Variants in ATP8A2 observed in about 807,000 individuals in gnomAD.
ATP8A2 encodes the protein ATPase phospholipid transporting 8A2.
ATP8A2 carries 100 observed loss-of-function variants against 165.6 expected under a neutral mutation model. That is an observed-to-expected ratio of 0.60 (90% CI 0.51 to 0.71). The LOEUF is 0.71. Ranked by LOEUF, ATP8A2 falls within the 30% of genes least tolerant of loss-of-function variation. ATP8A2 has a pLI of 0.00. For synonymous variants in ATP8A2, 543 were observed against 548.8 expected, an observed-to-expected ratio of 0.99 and a Z score of 0.15; for missense variants, 1,227 against 1,479.5, an observed-to-expected ratio of 0.83 and a Z score of 2.80.
At chr13:25,412,736 C>T (rs983071974) in intron 1 of ATP8A2, among the ~76,000 whole-genome samples, 3 of 152,222 alleles carry the variant, frequency 2.0e-5, no homozygotes, top group Non-Finnish European at 4.4e-5. Context: ...GCAAAGCCAA[C>T]TGGTCACCCA....
intron 35 of ATP8A2, among the ~76,000 whole-genome samples, chr13:25,973,406 G>A (rs1471107175): frequency 1.3e-5 from 2 of 152,148 alleles, no homozygotes; most frequent in African/African-American, 4.8e-5. Flanking sequence ...TAAACAGGCA[G>A]GGCCCTGGTC....
intron 10 of ATP8A2, among the ~76,000 whole-genome samples, chr13:25,545,187 G>T (rs1361534263): frequency 6.6e-6 from 1 of 151,980 alleles, no homozygotes; most frequent in Non-Finnish European, 1.5e-5. Flanking sequence ...CTTGTGTGTT[G>T]AAGCAAGGCG....
chr13:25,768,648 G>A (rs990476312), intron 25 of ATP8A2, among the ~76,000 whole-genome samples: 1 of 152,144 alleles, frequency 6.6e-6, no homozygotes, highest in Admixed American at 6.5e-5. Flanking sequence ...GGTTGTATAT[G>A]ATGTACCATA....
chr13:25,915,434 A>C (rs1393619984), intron 33 of ATP8A2, among the ~76,000 whole-genome samples: 1 of 152,242 alleles, frequency 6.6e-6, no homozygotes, highest in East Asian at 1.9e-4. Context: ...GGACCAAGAC[A>C]AGAAGCAATA....
At chr13:25,975,083 T>C (rs1956002344) in intron 35 of ATP8A2, among the ~76,000 whole-genome samples, 1 of 152,080 alleles carries the variant, frequency 6.6e-6, no homozygotes, top group Admixed American at 6.5e-5. Context: ...CCTTGGCTCT[T>C]CTTGATTGAC....
intron 1 of ATP8A2, among the ~76,000 whole-genome samples, chr13:25,432,482 C>T (rs745480234): frequency 2.6e-5 from 4 of 152,108 alleles, no homozygotes; most frequent in Admixed American, 6.5e-5. Context: ...ACGGAGTGAG[C>T]GTTTTCTTCT....
chr13:25,775,039 C>T (rs2044710951), intron 27 of ATP8A2, 80 bp downstream of exon 27: 3 of 808,118 alleles, frequency 3.7e-6, no homozygotes, highest in Non-Finnish European at 6.0e-6. Context: ...CATTTCAAGG[C>T]AGGATTTTGT....
rs558511273 is a variant in ATP8A2, at chr13:25,853,607, A to G, written c.2957-6588A>G. ...TGTCAAACCATAGCTACAAATTTTG[A>G]CTTTCAGCTTAGTCTCCCATGCCTG... On this transcript the variant is annotated intron_variant, in intron 30 of 36. Transcript: ENST00000381655. Among the ~76,000 whole-genome samples, 8 of 152,226 alleles carry G rather than the reference A, an allele frequency of 5.3e-5. No individual in the cohort carries two copies. The East Asian group carries it at 1.5e-3, about 29-fold the overall frequency.
intron 25 of ATP8A2, among the ~76,000 whole-genome samples, chr13:25,759,826 C>T (rs961318697): frequency 1.3e-5 from 2 of 152,166 alleles, no homozygotes; most frequent in African/African-American, 4.8e-5. Flanking sequence ...ACCCATTCAA[C>T]TTTTACATGA....
intron 13 of ATP8A2, among the ~76,000 whole-genome samples, chr13:25,555,692 T>A (rs1191298685): frequency 6.6e-6 from 1 of 152,114 alleles, no homozygotes; most frequent in Non-Finnish European, 1.5e-5. Context: ...GGGTATATTA[T>A]GTGGTGCTGA....
chr13:25,734,494 C>G (rs2043724095), intron 25 of ATP8A2, among the ~76,000 whole-genome samples: 1 of 152,166 alleles, frequency 6.6e-6, no homozygotes, highest in African/African-American at 2.4e-5. Flanking sequence ...AGTGTCTTAG[C>G]AAGCATTTAT....
At chr13:25,510,234 A>G (rs2037182561) in intron 2 of ATP8A2, among the ~76,000 whole-genome samples, 1 of 151,390 alleles carries the variant, frequency 6.6e-6, no homozygotes, top group African/African-American at 2.4e-5. Context: ...GAATGTTGAA[A>G]TAAATGGATG....
At position 25,572,509 on chromosome 13, in the gene ATP8A2, T is replaced by C. The variant is rs150399122; in HGVS notation, c.1662+817T>C. Among the ~76,000 whole-genome samples the C allele has an allele frequency of 2.3e-3, 354 of 152,332 alleles. 3 individuals carry two copies. The highest frequency in any genetic ancestry group is 7.6e-3 in the African/African-American group (318 of 41,578). ...GGGGTTTACATGTTTTCTGATTTTT[T>C]CTGAGTTTCCTTACCTACAGGCCAA... On this transcript the variant is annotated intron_variant, in intron 18 of 36. Transcript: ENST00000381655.
chr13:25,543,679 G>A (rs952835461), intron 10 of ATP8A2, among the ~76,000 whole-genome samples: 3 of 152,086 alleles, frequency 2.0e-5, no homozygotes, highest in Non-Finnish European at 2.9e-5. Context: ...GGACTTAAGC[G>A]GGAATTAGTT....
intron 33 of ATP8A2, among the ~76,000 whole-genome samples, chr13:25,871,883 A>G (rs746277731): frequency 2.0e-5 from 3 of 152,160 alleles, no homozygotes; most frequent in Non-Finnish European, 2.9e-5. Flanking sequence ...CCTGATTTCA[A>G]TGCAGGATGG....
chr13:25,702,801 A>G (rs1593222056), intron 25 of ATP8A2, among the ~76,000 whole-genome samples: 1 of 152,094 alleles, frequency 6.6e-6, no homozygotes, highest in East Asian at 1.9e-4. Flanking sequence ...AGATCCTTTC[A>G]GCATCTGGTG....
At chr13:25,613,751 C>G (rs1183293182) in intron 24 of ATP8A2, among the ~76,000 whole-genome samples, 1 of 152,096 alleles carries the variant, frequency 6.6e-6, no homozygotes, top group African/African-American at 2.4e-5. Context: ...GTTTAAGGAG[C>G]TAAAGATAGG....
rs932509929 is a variant in ATP8A2, at chr13:25,924,629, T to G, written c.3184-36946T>G. ...ATTCAGAGATACTAAGGGCTAGGGC[T>G]TCAACATTTGATTGGGGGGGAATAC... On this transcript the variant is annotated intron_variant, in intron 33 of 36. Transcript: ENST00000381655. Among the ~76,000 whole-genome samples, 5 of 81,200 alleles carry G rather than the reference T, an allele frequency of 6.2e-5. No individual in the cohort carries two copies. In the Admixed American group the frequency reaches 7.8e-4, roughly 13 times the overall value. 53.3% of individuals were successfully genotyped at this position (81,200 alleles called of 152,430 possible). A position where few individuals can be genotyped will look rare whatever the true frequency, so the allele number is the denominator to read the frequency against.
At chr13:25,716,637 G>T (rs1032446707) in intron 25 of ATP8A2, among the ~76,000 whole-genome samples, 1 of 152,208 alleles carries the variant, frequency 6.6e-6, no homozygotes, top group South Asian at 2.1e-4. Flanking sequence ...TGTCAGCAGG[G>T]TGTGAAGGGT....
Sources: gnomAD v4.1 joint callset for allele counts (sites outside exome capture counted in the v4.1 genomes callset) on GRCh38, gnomAD v4.1.1 for gene constraint, MANE v1.5 for transcripts, NCBI Gene and HGNC (gene_info 2026-07-23, HGNC 2026-07-21) for gene names.